SCN3A: variants seen among roughly 807,000 people sequenced by gnomAD.
The protein encoded by SCN3A is sodium channel protein type 3 subunit alpha.
SCN3A carries 60 observed loss-of-function variants against 187.6 expected under a neutral mutation model. The observed-to-expected ratio is 0.32, with a 90% CI of 0.26 to 0.40. The LOEUF is 0.40. Ranked by LOEUF, SCN3A falls within the 10% of genes least tolerant of loss-of-function variation. SCN3A has a pLI of 1.00. For missense variants in SCN3A, 1,601 were observed against 2,428.2 expected, an observed-to-expected ratio of 0.66 and a Z score of 7.16; for synonymous variants, 788 against 829.2, an observed-to-expected ratio of 0.95 and a Z score of 0.85.
intron 1 of SCN3A, among the ~76,000 whole-genome samples, chr2:165,190,855 G>A (rs191335983): frequency 6.6e-6 from 1 of 151,844 alleles, no homozygotes; most frequent in African/African-American, 2.4e-5. Context: ...CATCAACCTA[G>A]TTTAAAGCAG....
At chr2:165,093,572 A>T (rs1685215633) in intron 26 of SCN3A, 1 of 152,242 alleles carries the variant, frequency 6.6e-6, no homozygotes, top group South Asian at 2.1e-4. Context: ...CTTACCAAAA[A>T]TCAAAGGTCA....
chr2:165,122,230 C>CT (rs776949572), intron 18 of SCN3A, among the ~76,000 whole-genome samples: 3,230 of 113,574 alleles, frequency 0.028, 134 homozygotes, highest in African/African-American at 0.1. Flanking sequence ...TTCTTTCTTT[C>CT]TTTTTTTTCT....
rs569784180 is a variant in SCN3A, at chr2:165,087,706, C to A, written c.*2444G>T. ...TAATATAAATTCTCAATAACTATAT[C>A]ATTAATACCTTATGTATACATAGGA... On this transcript the variant is annotated 3_prime_UTR_variant, in exon 28 of 28. Transcript: ENST00000283254. 1 of 151,986 alleles carries A rather than the reference C, an allele frequency of 6.6e-6. No individual in the cohort carries two copies. The highest frequency in any genetic ancestry group is 2.4e-5 in the African/African-American group (1 of 41,488). The allele number at this position is 151,986 out of a possible 1,614,324, so 9.4% of individuals were successfully genotyped here.
chr2:165,194,854 G>A (rs1691845918), intron 1 of SCN3A: 1 of 151,982 alleles, frequency 6.6e-6, no homozygotes, highest in African/African-American at 2.4e-5. Context: ...TCTTTCCTGG[G>A]ATCTGAATTC....
chr2:165,119,791 A>G (rs377423125), intron 18 of SCN3A: 1 of 152,330 alleles, frequency 6.6e-6, no homozygotes, highest in East Asian at 1.9e-4. Context: ...AATGATATAA[A>G]AAAGCAAAGA....
intron 1 of SCN3A, among the ~76,000 whole-genome samples, chr2:165,192,801 A>C: frequency 6.6e-6 from 1 of 152,066 alleles, no homozygotes; most frequent in East Asian, 1.9e-4. Flanking sequence ...TTGCTTCTAC[A>C]TTTATTATTA....
chr2:165,129,820 A>C, intron 17 of SCN3A, 120 bp downstream of exon 17: 2 of 1,225,970 alleles, frequency 1.6e-6, no homozygotes, highest in East Asian at 4.7e-5. Flanking sequence ...GAGTGCTAAT[A>C]GGGGGATTTC....
At chr2:165,152,411 G>A (rs918011637) in intron 11 of SCN3A, among the ~76,000 whole-genome samples, 3 of 152,158 alleles carry the variant, frequency 2.0e-5, no homozygotes, top group African/African-American at 7.2e-5. Context: ...CAGATTAAAT[G>A]TTCAAAAGAA....
chr2:165,120,264 A>C (rs1574142874), intron 18 of SCN3A, among the ~76,000 whole-genome samples: 1 of 152,034 alleles, frequency 6.6e-6, no homozygotes, highest in Non-Finnish European at 1.5e-5. Flanking sequence ...TACAAATACC[A>C]CTCACAGGAA....
chr2:165,090,677 T>C lies in SCN3A; in HGVS notation c.5476A>G (p.Ile1826Val). The change falls in exon 28 of 28, where the codon ATA (isoleucine) becomes GTA (valine). Residue 1826 changes from isoleucine to valine, a missense_variant. Ile to Val is a conservative substitution (Grantham distance 29). Coordinates refer to ENST00000283254, the MANE Select transcript of SCN3A (RefSeq NM_006922.4). The surrounding 1 kb of genome is among the most constrained non-coding windows in gnomAD (Gnocchi z 4.0). ...AGCTGGACTTTGTTGGGTTTTGCTA[T>C]GAGAAGAGGAGGATCCAGGGCAGCT... ...FAAALDPPLL[I>V]AKPNKVQLIA... The C allele has an allele frequency of 6.2e-7, 1 of 1,614,084 alleles. No individual in the cohort carries two copies. The highest frequency in any genetic ancestry group is 1.7e-5 in the Admixed American group (1 of 60,002).
intron 11 of SCN3A, among the ~76,000 whole-genome samples, chr2:165,153,813 G>A (rs934142024): frequency 6.6e-6 from 1 of 151,760 alleles, no homozygotes. Context: ...TCAGTATATG[G>A]ATTTTTTTTT....
chr2:165,134,283 C>T (rs1055077956), intron 15 of SCN3A, among the ~76,000 whole-genome samples: 2 of 152,198 alleles, frequency 1.3e-5, no homozygotes, highest in African/African-American at 4.8e-5. Context: ...TATGAAATTA[C>T]TCTTGCAGAA....
chr2:165,088,296 CAA>C lies in SCN3A; in HGVS notation c.*1852_*1853del, dbSNP rs1050550714. 7.9e-5 allele frequency: 12 copies of C among 152,346 alleles called. No homozygotes were observed. The highest frequency in any genetic ancestry group is 2.9e-4 in the African/African-American group (12 of 41,480). 9.4% of individuals were successfully genotyped at this position (152,346 alleles called of 1,614,324 possible). ...TTAAACTTTTGGTTTGTGCAAAAAA[CAA>C]AAATTTATATCATGTTAGGTAATTG... On this transcript the variant is annotated 3_prime_UTR_variant, in exon 28 of 28. Transcript: ENST00000283254.
Position 165,096,472 on chromosome 2 carries a change from G to T in SCN3A, c.4288C>A (p.Arg1430=). ...MDIMYAAVDS[R]DVKLQPVYEE... is the part of the protein sequence containing the mutation. ...AATATTTGAGTGATACTTACATCTC[G>T]TGAATCAACAGCTGCATACATAATA... The change falls in exon 24 of 28, where the codon CGA becomes AGA. Residue 1430 remains arginine (R), a synonymous_variant. Transcript: ENST00000283254. The T allele has an allele frequency of 6.2e-7, 1 of 1,609,034 alleles. No individual in the cohort carries two copies. Among genetic ancestry groups the T allele is most frequent in the Non-Finnish European group, 8.5e-7 (1 of 1,175,786 alleles).
Position 165,140,575 on chromosome 2 carries a change from C to T in SCN3A, c.2019+76G>A. 7.8e-7 allele frequency: 1 copy of T among 1,282,184 alleles called. No individual in the cohort carries two copies. The highest frequency in any genetic ancestry group is 1.7e-5 in the Admixed American group (1 of 58,022). 79.4% of individuals were successfully genotyped at this position (1,282,184 alleles called of 1,614,324 possible). On this transcript the variant is annotated intron_variant, in intron 13 of 27. Coordinates refer to ENST00000283254, the MANE Select transcript of SCN3A (RefSeq NM_006922.4). This position sits in a 1 kb window ranked among gnomAD's most constrained non-coding sequence, Gnocchi z 4.2. ...ATTTTGAGGAAGCAGGACGGTATGA[C>T]AGCCTAAACTGTCCAGGCTTTGATT...
Position 165,170,564 on chromosome 2 carries a change from C to T in SCN3A, c.265-16G>A, listed in dbSNP as rs138995363. 125 of 1,440,258 alleles carry T rather than the reference C, an allele frequency of 8.7e-5. No individual in the cohort carries two copies. In the East Asian group the frequency reaches 1.7e-3, roughly 19 times the overall value. 89.2% of individuals were successfully genotyped at this position (1,440,258 alleles called of 1,614,324 possible). On this transcript the variant is annotated splice_polypyrimidine_tract_variant and intron_variant, in intron 3 of 27. Coordinates refer to ENST00000283254, the MANE Select transcript of SCN3A (RefSeq NM_006922.4). Reference sequence around the variant, plus strand: ...CTATAAAAGTCTGAAAAAGAAAATACGAGTAAAATTACTAAATTAGACATG... The same window carrying T: ...CTATAAAAGTCTGAAAAAGAAAATATGAGTAAAATTACTAAATTAGACATG...
At chr2:165,176,553 G>T in intron 2 of SCN3A, 109 bp from the exon 3 acceptor site, 1 of 826,096 alleles carries the variant, frequency 1.2e-6, no homozygotes, top group Non-Finnish European at 2.0e-6. Flanking sequence ...TAAACATTAA[G>T]TCATGCTTTT....
At chr2:165,117,043 T>C (rs1024705445) in intron 18 of SCN3A, among the ~76,000 whole-genome samples, 1 of 151,640 alleles carries the variant, frequency 6.6e-6, no homozygotes, top group Non-Finnish European at 1.5e-5. Context: ...TTTCTGCTTC[T>C]TATAGCCAGG....
chr2:165,090,048 A>G lies in SCN3A; in HGVS notation c.*102T>C. The stretch of plus-strand genomic sequence containing the variant: ...ACTGACTATGAGTATTTGTTAAAAC[A>G]GTCAGTTTGGCATGGACCTCCTCTT... On this transcript the variant is annotated 3_prime_UTR_variant, in exon 28 of 28. Transcript: ENST00000283254. The surrounding 1 kb of genome is among the most constrained non-coding windows in gnomAD (Gnocchi z 4.0). 6.6e-7 allele frequency: 1 copy of G among 1,513,210 alleles called. No individual in the cohort carries two copies. The highest frequency in any genetic ancestry group is 8.9e-7 in the Non-Finnish European group (1 of 1,127,008). The allele number at this position is 1,513,210 out of a possible 1,614,324, so 93.7% of individuals were successfully genotyped here.
Sources: gnomAD v4.1 joint callset for allele counts (sites outside exome capture counted in the v4.1 genomes callset) on GRCh38, gnomAD v4.1.1 for gene constraint, Gnocchi (gnomAD v3.1) non-coding constraint, MANE v1.5 for transcripts, NCBI Gene and HGNC (gene_info 2026-07-23, HGNC 2026-07-21) for gene names.